RGS6: variants seen among roughly 807,000 people sequenced by gnomAD.
RGS6 encodes regulator of G protein signaling 6.
In RGS6, 30 loss-of-function variants were observed where a neutral mutation model predicts 78.5. That is an observed-to-expected ratio of 0.38 (90% confidence interval 0.29 to 0.52). The LOEUF is 0.52. RGS6 is among the 20% of genes least tolerant of loss of function. The pLI is 0.85. For missense variants in RGS6, 495 were observed against 609.7 expected (o/e 0.81, Z 1.98); for synonymous variants, 206 against 206.0 (o/e 1.00, Z 0.00).
intron 17 of RGS6, among the ~76,000 whole-genome samples, chr14:72,553,931 G>A (rs1289409929): frequency 6.6e-6 from 1 of 152,234 alleles, no homozygotes; most frequent in Admixed American, 6.5e-5. Flanking sequence ...TCAGCAGCAC[G>A]TGAAAAGAGC....
chr14:72,583,826 G>A, the RGS6 span, among the ~76,000 whole-genome samples: 1 of 152,152 alleles, frequency 6.6e-6, no homozygotes, highest in Admixed American at 6.5e-5. Flanking sequence ...AAAAAATTCT[G>A]GAAGCCCACT....
intron 2 of RGS6, among the ~76,000 whole-genome samples, chr14:72,013,285 A>C (rs934895600): frequency 6.0e-5 from 9 of 150,418 alleles, no homozygotes; most frequent in Non-Finnish European, 8.9e-5. Flanking sequence ...AAAAAAAAAA[A>C]AAAAAAAAAC....
chr14:72,429,354 G>A (rs2094540985), intron 3 of RGS6, among the ~76,000 whole-genome samples: 1 of 152,120 alleles, frequency 6.6e-6, no homozygotes. Context: ...GGATGTTGAG[G>A]GCCCCAGGTA....
intron 2 of RGS6, among the ~76,000 whole-genome samples, chr14:72,039,813 A>ATTTTTTTTT (rs3053082): frequency 0.013 from 865 of 68,746 alleles, 21 homozygotes; most frequent in East Asian, 0.061. Flanking sequence ...TGTTTCATTG[A>ATTTTTTTTT]TTTTTTTTTT....
chr14:71,970,166 G>T (rs1439624258), intron 2 of RGS6, among the ~76,000 whole-genome samples: 1 of 152,142 alleles, frequency 6.6e-6, no homozygotes, highest in Non-Finnish European at 1.5e-5. Context: ...TACATAACAA[G>T]TGGTGTTTAA....
At chr14:72,173,604 CCCTCTCCAATAA>C (rs1171865955) in intron 2 of RGS6, among the ~76,000 whole-genome samples, 5 of 152,176 alleles carry the variant, frequency 3.3e-5, no homozygotes, top group African/African-American at 1.2e-4. Flanking sequence ...TTTCTTCCGT[CCCTCTCCAATAA>C]CCTCGACTCT....
At chr14:71,926,138 A>AT in the RGS6 span, among the ~76,000 whole-genome samples, 1 of 152,228 alleles carries the variant, frequency 6.6e-6, no homozygotes, top group Non-Finnish European at 1.5e-5. Context: ...TTCCAATGGT[A>AT]TTTTTCACAG....
At chr14:72,277,380 G>A (rs1322227891) in intron 2 of RGS6, among the ~76,000 whole-genome samples, 1 of 151,152 alleles carries the variant, frequency 6.6e-6, no homozygotes, top group Non-Finnish European at 1.5e-5. Flanking sequence ...GGCGGATCAT[G>A]AGGTCAGGAG....
intron 2 of RGS6, among the ~76,000 whole-genome samples, chr14:72,229,991 T>G (rs1271857599): frequency 6.6e-6 from 1 of 152,218 alleles, no homozygotes; most frequent in Non-Finnish European, 1.5e-5. Context: ...GCCAATCACT[T>G]GTGCAGGGCG....
At position 72,057,315 on chromosome 14, in the gene RGS6, A is replaced by G. The variant is rs1403121359; in HGVS notation, c.84+92440A>G. On this transcript the variant is annotated intron_variant, in intron 2 of 17. Transcript: ENST00000553525. Reference sequence around the variant, plus strand: ...AGTGACAGAGTGAGACTCTATCTGAAAAAAAAAAAAAAAAAAAAAAAAAAA... The same window carrying G: ...AGTGACAGAGTGAGACTCTATCTGAGAAAAAAAAAAAAAAAAAAAAAAAAA... Among the ~76,000 whole-genome samples the G allele has an allele frequency of 1.6e-4, 13 of 81,248 alleles. 1 individual carries two copies. The highest frequency in any genetic ancestry group is 5.7e-4 in the African/African-American group (12 of 20,938). 53.3% of individuals were successfully genotyped at this position (81,248 alleles called of 152,430 possible).
At chr14:72,098,506 T>C (rs1337886593) in intron 2 of RGS6, among the ~76,000 whole-genome samples, 1 of 152,230 alleles carries the variant, frequency 6.6e-6, no homozygotes, top group African/African-American at 2.4e-5. Flanking sequence ...TTGTTCTTTT[T>C]TAGCTTAATG....
rs10144375 is a variant in RGS6 at position 72,557,447 on chromosome 14, C to A, written c.1423-4970C>A. ...GGGCAGCAACCTTCCGGGAGTCACC[C>A]GATGAAGTCAGGCAGGCCTTTGGCT... On this transcript the variant is annotated intron_variant, in intron 17 of 17. Coordinates refer to ENST00000553525, the MANE Select transcript of RGS6 (RefSeq NM_001204424.2). 1.5e-3 allele frequency among the ~76,000 whole-genome samples: 221 copies of A among 152,278 alleles called. 1 individual carries two copies. Among genetic ancestry groups the A allele is most frequent in the African/African-American group, 4.7e-3 (194 of 41,560 alleles).
chr14:72,039,175 A>G (rs1210730352), intron 2 of RGS6, among the ~76,000 whole-genome samples: 2 of 152,252 alleles, frequency 1.3e-5, no homozygotes, highest in Non-Finnish European at 2.9e-5. Flanking sequence ...ACATTTTACT[A>G]AATAAGTTGA....
chr14:72,113,592 A>G (rs905986413), intron 2 of RGS6, among the ~76,000 whole-genome samples: 1 of 152,236 alleles, frequency 6.6e-6, no homozygotes, highest in Non-Finnish European at 1.5e-5. Context: ...GTAACAAACC[A>G]CTACCAAAAG....
intron 2 of RGS6, among the ~76,000 whole-genome samples, chr14:72,287,251 A>G (rs962062729): frequency 6.6e-6 from 1 of 152,196 alleles, no homozygotes; most frequent in South Asian, 2.1e-4. Flanking sequence ...ATATCATGTC[A>G]TCTGCAAACA....
At chr14:72,347,756 G>A (rs1255629655) in intron 2 of RGS6, among the ~76,000 whole-genome samples, 1 of 152,174 alleles carries the variant, frequency 6.6e-6, no homozygotes, top group Non-Finnish European at 1.5e-5. Flanking sequence ...GAGACGCTGT[G>A]TATATATGCC....
At chr14:72,380,548 T>G (rs1489405373) in intron 3 of RGS6, among the ~76,000 whole-genome samples, 1 of 150,586 alleles carries the variant, frequency 6.6e-6, no homozygotes, top group African/African-American at 2.4e-5. Context: ...GACATACAAG[T>G]GACCAAAAAA....
chr14:72,397,692 T>A (rs933728574), intron 3 of RGS6, among the ~76,000 whole-genome samples: 30 of 152,206 alleles, frequency 2.0e-4, no homozygotes, highest in Non-Finnish European at 7.3e-5. Context: ...GGGTTTGTCA[T>A]ACATAGCTCT....
intron 2 of RGS6, among the ~76,000 whole-genome samples, chr14:72,346,766 C>T (rs1218143445): frequency 6.6e-6 from 1 of 152,234 alleles, no homozygotes; most frequent in Admixed American, 6.5e-5. Context: ...AGCCAGTCTC[C>T]TGGGTTCTCC....
Sources: gnomAD v4.1 joint callset for allele counts (sites outside exome capture counted in the v4.1 genomes callset) on GRCh38, gnomAD v4.1.1 for gene constraint, MANE v1.5 for transcripts, NCBI Gene and HGNC (gene_info 2026-07-23, HGNC 2026-07-21) for gene names.